SGCD: variants seen among roughly 807,000 people sequenced by gnomAD.
SGCD encodes the protein sarcoglycan delta, also known as delta-sarcoglycan.
SGCD carries 18 observed loss-of-function variants against 36.6 expected under a neutral mutation model. That is an observed-to-expected ratio of 0.49 (90% CI 0.34 to 0.73). The LOEUF (loss-of-function observed/expected upper bound fraction) is 0.73. Ranked by LOEUF, SGCD falls within the 30% of genes least tolerant of loss-of-function variation. The pLI is 0.01. For missense variants in SGCD, 387 were observed against 346.7 expected, an observed-to-expected ratio of 1.12 and a Z score of -0.92; for synonymous variants, 133 against 130.6, an observed-to-expected ratio of 1.02 and a Z score of -0.12.
rs1350760811 is a variant in SGCD at position 156,767,494 on chromosome 5, A to AC, written c.*8104_*8105insC. 1 of 151,674 alleles carries AC rather than the reference A, an allele frequency of 6.6e-6. No homozygotes were observed. Among genetic ancestry groups the AC allele is most frequent in the African/African-American group, 2.4e-5 (1 of 41,322 alleles). 9.4% of individuals were successfully genotyped at this position (151,674 alleles called of 1,614,324 possible). ...TTGCTTGGAGATTTTGAAAAAAAAA[A>AC]AAAAAAAAAACCCATTCCCATAAAG... On this transcript the variant is annotated 3_prime_UTR_variant, in exon 9 of 9. Coordinates refer to ENST00000337851, the MANE Select transcript of SGCD (RefSeq NM_000337.6).
At chr5:156,076,688 G>A (rs1272769755) in intron 1 of SGCD, among the ~76,000 whole-genome samples, 2 of 152,126 alleles carry the variant, frequency 1.3e-5, no homozygotes, top group African/African-American at 4.8e-5. Context: ...CCACCATCAG[G>A]TATTTTAATT....
At chr5:155,836,478 C>G in the SGCD span, among the ~76,000 whole-genome samples, 75 of 150,386 alleles carry the variant, frequency 5.0e-4, no homozygotes, top group South Asian at 0.012. Context: ...CCACCCCCGC[C>G]CCGCACTCAA....
At chr5:156,196,850 G>C (rs1764035254) in intron 3 of SGCD, among the ~76,000 whole-genome samples, 1 of 152,142 alleles carries the variant, frequency 6.6e-6, no homozygotes, top group Admixed American at 6.6e-5. Flanking sequence ...ACTATGGCCA[G>C]AATTGTTTCT....
At position 156,713,419 on chromosome 5, in the gene SGCD, C is replaced by T. The variant is rs467770; in HGVS notation, c.576-44162C>T. 2.4e-3 allele frequency among the ~76,000 whole-genome samples: 362 copies of T among 147,842 alleles called. 4 individuals carry two copies. Among genetic ancestry groups the T allele is most frequent in the African/African-American group, 8.7e-3 (340 of 39,176 alleles). On this transcript the variant is annotated intron_variant, in intron 7 of 8. Transcript: ENST00000337851. ...TGGACTTTGAACATGTCGGGGGGGGCGTTATAGGAGGGAGAGAGGAGGAAA... is the reference window on the plus strand; with the variant it reads ...TGGACTTTGAACATGTCGGGGGGGGTGTTATAGGAGGGAGAGAGGAGGAAA...
At chr5:155,823,138 C>A in the SGCD span, among the ~76,000 whole-genome samples, 1 of 151,898 alleles carries the variant, frequency 6.6e-6, no homozygotes, top group Non-Finnish European at 1.5e-5. Context: ...AGCTACCTAG[C>A]TAGCTATCTA....
chr5:156,674,514 C>T (rs1453241647), intron 7 of SGCD, among the ~76,000 whole-genome samples: 5 of 152,102 alleles, frequency 3.3e-5, no homozygotes, highest in South Asian at 2.1e-4. Flanking sequence ...AAGTGGTAAA[C>T]GATCTCCCAT....
At chr5:156,055,192 CT>C (rs1554114966) in intron 1 of SGCD, among the ~76,000 whole-genome samples, 1 of 145,116 alleles carries the variant, frequency 6.9e-6, no homozygotes, top group African/African-American at 2.5e-5. Flanking sequence ...GAGGCTACTC[CT>C]TTTTTTTCTT....
At chr5:155,917,810 T>C (rs1756785817) in intron 1 of SGCD, among the ~76,000 whole-genome samples, 1 of 146,984 alleles carries the variant, frequency 6.8e-6, no homozygotes. Context: ...GTTCTATTTC[T>C]TTTTTTTTTA....
intron 4 of SGCD, among the ~76,000 whole-genome samples, chr5:156,554,756 G>A (rs1421418446): frequency 6.6e-6 from 1 of 151,824 alleles, no homozygotes; most frequent in Non-Finnish European, 1.5e-5. Context: ...CTGTACCTAG[G>A]AATGCAATTG....
At chr5:156,378,568 C>A (rs1207939472) in intron 3 of SGCD, among the ~76,000 whole-genome samples, 1 of 151,988 alleles carries the variant, frequency 6.6e-6, no homozygotes, top group Non-Finnish European at 1.5e-5. Flanking sequence ...CCTATACAGA[C>A]CCCTGCAATC....
At chr5:156,305,588 CA>C (rs1767184376) in intron 3 of SGCD, among the ~76,000 whole-genome samples, 1 of 152,160 alleles carries the variant, frequency 6.6e-6, no homozygotes, top group Non-Finnish European at 1.5e-5. Context: ...TCAGAGCCCC[CA>C]CACAGAGGCC....
intron 4 of SGCD, among the ~76,000 whole-genome samples, chr5:156,538,602 C>T (rs1758218518): frequency 6.6e-6 from 1 of 152,000 alleles, no homozygotes. Context: ...CATTTCTTCT[C>T]ACCTGTTTTG....
At chr5:156,598,102 G>T (rs1451000694) in intron 6 of SGCD, among the ~76,000 whole-genome samples, 1 of 152,190 alleles carries the variant, frequency 6.6e-6, no homozygotes, top group Non-Finnish European at 1.5e-5. Flanking sequence ...TCCAGCCTCG[G>T]TGCACTTCAC....
At chr5:156,340,963 C>T (rs1317010605) in intron 2 of SGCD, among the ~76,000 whole-genome samples, 1 of 152,134 alleles carries the variant, frequency 6.6e-6, no homozygotes, top group Non-Finnish European at 1.5e-5. Flanking sequence ...GAAAGGCCTC[C>T]TTTTATAATT....
chr5:156,432,107 C>A (rs1561691612), intron 3 of SGCD, among the ~76,000 whole-genome samples: 1 of 152,176 alleles, frequency 6.6e-6, no homozygotes, highest in Non-Finnish European at 1.5e-5. Context: ...ACAAAGGGTC[C>A]AATGATGTGA....
chr5:156,297,635 T>G, intron 3 of SGCD, among the ~76,000 whole-genome samples: 1 of 91,532 alleles, frequency 1.1e-5, no homozygotes, highest in Non-Finnish European at 2.0e-5. Flanking sequence ...CTGGGGACTG[T>G]TGTGGGGTGG....
intron 3 of SGCD, among the ~76,000 whole-genome samples, chr5:156,378,270 C>G (rs111310611): frequency 1.2e-4 from 18 of 152,140 alleles, no homozygotes; most frequent in East Asian, 3.9e-4. Context: ...TATGATTCCC[C>G]GTGTGTGAGA....
intron 3 of SGCD, among the ~76,000 whole-genome samples, chr5:156,408,359 T>C (rs1167905732): frequency 1.1e-5 from 1 of 94,682 alleles, no homozygotes; most frequent in Non-Finnish European, 2.0e-5. Context: ...CCAAGTTGGA[T>C]TTTTTTTTTT....
chr5:156,190,210 A>G (rs558019673), intron 3 of SGCD, among the ~76,000 whole-genome samples: 1 of 152,286 alleles, frequency 6.6e-6, no homozygotes, highest in Non-Finnish European at 1.5e-5. Context: ...GCAAACTATA[A>G]GTCCATACTC....
Sources: gnomAD v4.1 joint callset for allele counts (sites outside exome capture counted in the v4.1 genomes callset) on GRCh38, gnomAD v4.1.1 for gene constraint, MANE v1.5 for transcripts, NCBI Gene and HGNC (gene_info 2026-07-23, HGNC 2026-07-21) for gene names.